The following STARD13 variants were observed in gnomAD, a reference collection of about 807,000 sequenced individuals.
STARD13 encodes the protein stAR-related lipid transfer protein 13.
STARD13 carries 62 observed loss-of-function variants against 106.4 expected under a neutral mutation model. The ratio of observed to expected loss-of-function variants is 0.58; its 90% confidence interval spans 0.48 to 0.72. The LOEUF is 0.72. Among genes scored for constraint, STARD13 ranks in the 30% least tolerant of loss-of-function variants. The pLI, the probability that STARD13 is intolerant of heterozygous loss-of-function variation, is 0.00. For synonymous variants in STARD13, 565 were observed against 553.0 expected (o/e 1.02, Z -0.31); for missense variants, 1,387 against 1,424.0 (o/e 0.97, Z 0.42).
At chr13:33,338,074 T>G (rs892707645) in intron 1 of STARD13, among the ~76,000 whole-genome samples, 1 of 152,174 alleles carries the variant, frequency 6.6e-6, no homozygotes, top group African/African-American at 2.4e-5. Flanking sequence ...TCAATTCTGG[T>G]AGATGTAGTT....
chr13:33,194,753 A>G (rs1272520265), intron 1 of STARD13, among the ~76,000 whole-genome samples: 1 of 152,238 alleles, frequency 6.6e-6, no homozygotes, highest in Non-Finnish European at 1.5e-5. Flanking sequence ...AGAAAGTGAA[A>G]ATGGATTTTT....
chr13:33,487,946 G>T, the STARD13 span, among the ~76,000 whole-genome samples: 1 of 152,076 alleles, frequency 6.6e-6, no homozygotes, highest in Non-Finnish European at 1.5e-5. Flanking sequence ...AGCTCCAAAG[G>T]TCTGTTCTCT....
the STARD13 span, among the ~76,000 whole-genome samples, chr13:33,538,246 C>A: frequency 6.6e-6 from 1 of 152,212 alleles, no homozygotes; most frequent in African/African-American, 2.4e-5. Flanking sequence ...ATATTTGACT[C>A]TCTTTTTCCC....
At chr13:33,222,158 G>A (rs1888394821) in intron 1 of STARD13, among the ~76,000 whole-genome samples, 1 of 151,688 alleles carries the variant, frequency 6.6e-6, no homozygotes, top group South Asian at 2.1e-4. Context: ...AAAAAAAAAA[G>A]GGGCATTCTG....
At chr13:33,582,736 A>G in the STARD13 span, among the ~76,000 whole-genome samples, 1 of 152,370 alleles carries the variant, frequency 6.6e-6, no homozygotes, top group East Asian at 1.9e-4. Context: ...CAGATAAGGT[A>G]TAATGTCCAG....
At chr13:33,533,798 T>C in the STARD13 span, among the ~76,000 whole-genome samples, 1 of 152,222 alleles carries the variant, frequency 6.6e-6, no homozygotes, top group Non-Finnish European at 1.5e-5. Flanking sequence ...TGATCATGAC[T>C]GTGAGGACTG....
intron 1 of STARD13, among the ~76,000 whole-genome samples, chr13:33,190,727 C>T (rs764534951): frequency 6.6e-6 from 1 of 151,964 alleles, no homozygotes. Context: ...GCTGGGATTA[C>T]AGGCACATAC....
At chr13:33,169,825 T>C (rs1299194182) in intron 1 of STARD13, among the ~76,000 whole-genome samples, 1 of 152,106 alleles carries the variant, frequency 6.6e-6, no homozygotes, top group East Asian at 1.9e-4. Context: ...GGGAATGTGG[T>C]GAGCTCAGAT....
At chr13:33,547,464 A>G in the STARD13 span, among the ~76,000 whole-genome samples, 5 of 152,226 alleles carry the variant, frequency 3.3e-5, no homozygotes, top group Non-Finnish European at 7.3e-5. Flanking sequence ...TTTCTTGAAG[A>G]TAATTTTTAA....
At chr13:33,168,901 C>A (rs17644266) in intron 1 of STARD13, among the ~76,000 whole-genome samples, 14,095 of 152,272 alleles carry the variant, frequency 0.093, 770 homozygotes, top group East Asian at 0.27. Context: ...CCTAGTTCCA[C>A]AGATCTGGTT....
At chr13:33,652,924 G>T in the STARD13 span, among the ~76,000 whole-genome samples, 1,010 of 151,928 alleles carry the variant, frequency 6.6e-3, 7 homozygotes, top group African/African-American at 0.023. Flanking sequence ...ATACAATAAG[G>T]TATGACATCA....
intron 3 of STARD13, among the ~76,000 whole-genome samples, chr13:33,149,316 T>C (rs556596794): frequency 6.6e-6 from 1 of 152,324 alleles, no homozygotes; most frequent in African/African-American, 2.4e-5. Flanking sequence ...AGGCTATATA[T>C]GAAAACTCTC....
the STARD13 span, among the ~76,000 whole-genome samples, chr13:33,401,608 T>G: frequency 6.6e-6 from 1 of 152,192 alleles, no homozygotes; most frequent in Admixed American, 6.5e-5. Flanking sequence ...CAACTTTCCT[T>G]CTTGTCTCTC....
intron 1 of STARD13, among the ~76,000 whole-genome samples, chr13:33,181,670 T>C (rs549821762): frequency 1.3e-5 from 2 of 152,234 alleles, no homozygotes; most frequent in Non-Finnish European, 2.9e-5. Flanking sequence ...GGTAACATTA[T>C]TCTTCTAGTT....
the STARD13 span, among the ~76,000 whole-genome samples, chr13:33,400,009 T>C: frequency 0.015 from 2,254 of 152,292 alleles, 60 homozygotes; most frequent in African/African-American, 0.052. Context: ...ATACATTGTG[T>C]AATGATTATC....
At chr13:33,572,413 A>G in the STARD13 span, among the ~76,000 whole-genome samples, 1 of 151,666 alleles carries the variant, frequency 6.6e-6, no homozygotes, top group South Asian at 2.1e-4. Context: ...CCTCACTTTC[A>G]TTTTCTGTAT....
the STARD13 span, among the ~76,000 whole-genome samples, chr13:33,564,968 G>A: frequency 7.1e-6 from 1 of 140,314 alleles, no homozygotes; most frequent in South Asian, 2.3e-4. Flanking sequence ...AGTCCAGTCT[G>A]GGTAACAGAG....
At position 33,129,136 on chromosome 13, in the gene STARD13, T is replaced by A. The variant is rs1041871149; in HGVS notation, c.1541A>T (p.His514Leu). 1.9e-6 allele frequency: 3 copies of A among 1,614,090 alleles called. No homozygotes were observed. Among genetic ancestry groups the A allele is most frequent in the Admixed American group, 3.3e-5 (2 of 60,010 alleles). Residue 514 changes from histidine (H) to leucine (L), a missense_variant, in exon 5 of 14, where the codon CAT becomes CTT. By Grantham distance (99) the His-to-Leu change is moderately conservative. Transcript: ENST00000336934. ...GCCAGGTTCCCCAACCAATGTATCATGAGTTTGCAGTTCAGGCAAGACATC... is the reference window on the plus strand; with the variant it reads ...GCCAGGTTCCCCAACCAATGTATCAAGAGTTTGCAGTTCAGGCAAGACATC... ...SKDVLPELQT[H>L]DTLVGEPGLS...
intron 1 of STARD13, among the ~76,000 whole-genome samples, chr13:33,245,280 T>A (rs17078869): frequency 0.014 from 2,085 of 152,336 alleles, 63 homozygotes; most frequent in African/African-American, 0.048. Flanking sequence ...GACATGACAC[T>A]GCATTTTATA....
Sources: gnomAD v4.1 joint callset for allele counts (sites outside exome capture counted in the v4.1 genomes callset) on GRCh38, gnomAD v4.1.1 for gene constraint, MANE v1.5 for transcripts, NCBI Gene and HGNC (gene_info 2026-07-23, HGNC 2026-07-21) for gene names.